Variants in IFT56 observed in about 807,000 individuals in gnomAD.
The protein encoded by IFT56 is intraflagellar transport protein 56.
At chr7:139,140,096 G>T in the IFT56 span, 1 of 716,046 alleles carries the variant, frequency 1.4e-6, no homozygotes. Context: ...TTTCTCTTGA[G>T]AAAAAAAAAA....
the IFT56 span, chr7:139,137,894 T>G: frequency 6.2e-7 from 1 of 1,613,684 alleles, no homozygotes; most frequent in South Asian, 1.1e-5. Flanking sequence ...ATTTGTGGAT[T>G]GGATATTGTG....
the IFT56 span, chr7:139,146,994 G>A: frequency 1.3e-6 from 2 of 1,528,298 alleles, no homozygotes; most frequent in Admixed American, 3.9e-5. Context: ...GAGAAATGAA[G>A]TAGAAGACAA....
At chr7:139,168,335 T>C in the IFT56 span, 2 of 1,584,500 alleles carry the variant, frequency 1.3e-6, no homozygotes, top group East Asian at 2.2e-5. Context: ...TGTTATTCCA[T>C]GTTTCTAGGA....
At chr7:139,154,763 A>G in the IFT56 span, among the ~76,000 whole-genome samples, 1 of 152,166 alleles carries the variant, frequency 6.6e-6, no homozygotes, top group South Asian at 2.1e-4. Context: ...ATCAGGAAGT[A>G]TGCGGCCTCC....
chr7:139,170,150 G>A, the IFT56 span, among the ~76,000 whole-genome samples: 1 of 152,094 alleles, frequency 6.6e-6, no homozygotes, highest in Non-Finnish European at 1.5e-5. Context: ...AACCAACCAA[G>A]ATTGAACCAT....
At chr7:139,174,437 AC>A in the IFT56 span, among the ~76,000 whole-genome samples, 1 of 152,148 alleles carries the variant, frequency 6.6e-6, no homozygotes, top group Non-Finnish European at 1.5e-5. Context: ...GAGGTTCCCG[AC>A]CGTGTGTGAG....
At chr7:139,170,877 G>A in the IFT56 span, among the ~76,000 whole-genome samples, 2 of 152,046 alleles carry the variant, frequency 1.3e-5, no homozygotes, top group Non-Finnish European at 2.9e-5. Context: ...AAGAAATAAA[G>A]GACATCTGAA....
the IFT56 span, among the ~76,000 whole-genome samples, chr7:139,180,162 C>T: frequency 0.016 from 2,464 of 149,710 alleles, 64 homozygotes; most frequent in African/African-American, 0.057. Context: ...ACGGTGAAAC[C>T]CCATCTCTAC....
the IFT56 span, among the ~76,000 whole-genome samples, chr7:139,136,637 T>TTG: frequency 3.2e-3 from 481 of 151,618 alleles, 6 homozygotes; most frequent in African/African-American, 9.8e-3. Context: ...GATTGGCTAT[T>TTG]TGTGTGTGTG....
chr7:139,182,330 A>T, the IFT56 span, among the ~76,000 whole-genome samples: 3 of 152,210 alleles, frequency 2.0e-5, no homozygotes, highest in African/African-American at 7.2e-5. Context: ...AAAAGAGGTG[A>T]ATTACCATCA....
chr7:139,178,506 G>A, the IFT56 span: 4 of 1,612,532 alleles, frequency 2.5e-6, no homozygotes, highest in Non-Finnish European at 2.5e-6. Context: ...TTCTTGGGAT[G>A]TTTTTCAGAG....
At chr7:139,133,975 A>T in the IFT56 span, 1 of 1,300,830 alleles carries the variant, frequency 7.7e-7, no homozygotes. Flanking sequence ...AGTAATCCCC[A>T]GCTCTCCCTG....
the IFT56 span, chr7:139,165,039 T>C: frequency 1.1e-6 from 1 of 931,730 alleles, no homozygotes; most frequent in African/African-American, 1.7e-5. Flanking sequence ...TTGAATATCA[T>C]GAACCCAGTT....
At chr7:139,166,185 T>C in the IFT56 span, among the ~76,000 whole-genome samples, 1 of 152,174 alleles carries the variant, frequency 6.6e-6, no homozygotes, top group Non-Finnish European at 1.5e-5. Flanking sequence ...CTTGAACTCC[T>C]GATCTCAGGT....
chr7:139,186,680 T>TA, the IFT56 span, among the ~76,000 whole-genome samples: 1 of 152,130 alleles, frequency 6.6e-6, no homozygotes, highest in Non-Finnish European at 1.5e-5. Flanking sequence ...CAAATTAGCA[T>TA]AAAATGAATG....
the IFT56 span, chr7:139,187,690 T>A: frequency 7.0e-6 from 7 of 1,004,656 alleles, no homozygotes; most frequent in Non-Finnish European, 8.5e-6. Context: ...TATTTCTGTC[T>A]GACCATTTTC....
chr7:139,141,997 C>G, the IFT56 span, among the ~76,000 whole-genome samples: 3 of 152,174 alleles, frequency 2.0e-5, no homozygotes, highest in Admixed American at 2.0e-4. Flanking sequence ...TGGAGTGTTG[C>G]ATGGTGGATC....
At chr7:139,165,786 C>A in the IFT56 span, among the ~76,000 whole-genome samples, 1 of 152,234 alleles carries the variant, frequency 6.6e-6, no homozygotes, top group Non-Finnish European at 1.5e-5. Flanking sequence ...GGGTAGCAGC[C>A]ACCATGCATT....
At chr7:139,190,937 A>C in the IFT56 span, 2 of 152,288 alleles carry the variant, frequency 1.3e-5, no homozygotes, top group Non-Finnish European at 2.9e-5. Flanking sequence ...AAGTCAGGAA[A>C]ATCCCCGTAG....
Sources: allele counts gnomAD v4.1 joint callset (sites outside exome capture counted in the v4.1 genomes callset), GRCh38; gene constraint gnomAD v4.1.1; transcripts MANE v1.5; gene names NCBI Gene and HGNC (gene_info 2026-07-23, HGNC 2026-07-21).